The following GRAMD4 variants were observed in gnomAD, a reference collection of about 807,000 sequenced individuals.
The protein encoded by GRAMD4 is GRAM domain containing 4, also known as GRAM domain-containing protein 4.
In GRAMD4, 25 loss-of-function variants were observed where a neutral mutation model predicts 83.9. The ratio of observed to expected loss-of-function variants is 0.30; its 90% CI spans 0.22 to 0.42. GRAMD4 has a LOEUF of 0.42. GRAMD4 is among the 10% of genes least tolerant of loss of function. The pLI, the probability that GRAMD4 is intolerant of heterozygous loss-of-function variation, is 1.00. For missense variants in GRAMD4, 593 were observed against 788.7 expected, an observed-to-expected ratio of 0.75 and a Z score of 2.97; for synonymous variants, 336 against 320.9, an observed-to-expected ratio of 1.05 and a Z score of -0.50.
rs373810373 is a variant in GRAMD4, at chr22:46,678,378, C to T, written c.*1127C>T. 1.0e-3 allele frequency: 985 copies of T among 984,990 alleles called. 6 individuals carry two copies. In the African/African-American group the frequency reaches 0.015, roughly 15 times the overall value. 61.0% of individuals were successfully genotyped at this position (984,990 alleles called of 1,614,324 possible). A position where few individuals can be genotyped will look rare whatever the true frequency, so the allele number is the denominator to read the frequency against. Reference sequence around the variant, plus strand: ...CCTCCCCCGCGTGCCTAGCCGGTGCCGGTCCGGGCACAGACCCCCCCAGCC... The same window carrying T: ...CCTCCCCCGCGTGCCTAGCCGGTGCTGGTCCGGGCACAGACCCCCCCAGCC... On this transcript the variant is annotated 3_prime_UTR_variant, in exon 19 of 19. Coordinates refer to ENST00000406902, the MANE Select transcript of GRAMD4 (RefSeq NM_015124.5).
intron 10 of GRAMD4, among the ~76,000 whole-genome samples, chr22:46,667,517 T>C (rs1029374641): frequency 3.3e-5 from 5 of 152,252 alleles, no homozygotes; most frequent in African/African-American, 1.2e-4. Context: ...ATATTTACTG[T>C]CTGGCCCTTT....
In GRAMD4 at chr22:46,623,000, G is replaced by C. The variant is rs557776819; in HGVS notation, c.-50+2435G>C. ...ATTAAAAAATATTGTGGGAAAAGAA[G>C]TAATAGGGAGGCATTTTAGGAGATT... is the stretch of plus-strand genomic sequence containing the variant. On this transcript the variant is annotated intron_variant, in intron 1 of 18. Transcript: ENST00000406902. The surrounding 1 kb of genome is among the most constrained non-coding windows in gnomAD (Gnocchi z 4.0). Among the ~76,000 whole-genome samples the C allele has an allele frequency of 6.6e-6, 1 of 151,904 alleles. No homozygotes were observed. Among genetic ancestry groups the C allele is most frequent in the Non-Finnish European group, 1.5e-5 (1 of 67,986 alleles).
rs1316877985 is a variant in GRAMD4 at position 46,577,879 on chromosome 22, C to T, written c.-50+589C>T. On this transcript the variant is annotated intron_variant, in intron 1 of 1. Transcript: ENST00000431155. ...ACCTTGGCTGTAGCCCAGGCCCGTG[C>T]GCCTGCCAGAACGTGGGGTGCAGTG... 3.3e-5 allele frequency among the ~76,000 whole-genome samples: 5 copies of T among 152,222 alleles called. No individual in the cohort carries two copies. The East Asian group carries it at 7.7e-4, about 24-fold the overall frequency.
chr22:46,587,640 CGTCCTGTCCTGTCCT>C (rs527792297), intron 1 of GRAMD4, among the ~76,000 whole-genome samples: 1 of 151,856 alleles, frequency 6.6e-6, no homozygotes, highest in Non-Finnish European at 1.5e-5. Flanking sequence ...GGCAAGGCTC[CGTCCTGTCCTGTCCT>C]GTCCTGTCCT....
At chr22:46,635,915 G>A (rs1480832760) in intron 2 of GRAMD4, among the ~76,000 whole-genome samples, 2 of 152,138 alleles carry the variant, frequency 1.3e-5, no homozygotes, top group African/African-American at 4.8e-5. Context: ...GCCCAGGGCA[G>A]TGCAGGGGTC....
rs57359468 is a variant in GRAMD4, at chr22:46,662,787, C to T, written c.467-253C>T. 2.8e-3 allele frequency among the ~76,000 whole-genome samples: 419 copies of T among 152,294 alleles called. 1 individual carries two copies. The highest frequency in any genetic ancestry group is 9.8e-3 in the African/African-American group (408 of 41,564). ...GGATGAAAAGCAGAGAGACCCGGCA[C>T]TGAGGTCGTCATGGCTGGGGCAGCT... On this transcript the variant is annotated intron_variant, in intron 5 of 18. Coordinates refer to ENST00000406902, the MANE Select transcript of GRAMD4 (RefSeq NM_015124.5).
intron 1 of GRAMD4, among the ~76,000 whole-genome samples, chr22:46,610,012 T>G (rs1462585609): frequency 6.6e-6 from 1 of 152,158 alleles, no homozygotes; most frequent in Non-Finnish European, 1.5e-5. Flanking sequence ...CCTGGGATGG[T>G]GGGGAGAAGC....
chr22:46,623,425 C>A (rs972070631), intron 1 of GRAMD4, among the ~76,000 whole-genome samples: 2 of 151,300 alleles, frequency 1.3e-5, no homozygotes, highest in Non-Finnish European at 2.9e-5. Flanking sequence ...TCTCACGCTG[C>A]CCCCCAGGCT....
intron 3 of GRAMD4, among the ~76,000 whole-genome samples, chr22:46,641,392 TAAGG>T (rs61099873): frequency 0.91 from 136,057 of 150,254 alleles, 61,772 homozygotes; most frequent in East Asian, 0.99. Context: ...AATAAATAAA[TAAGG>T]AAGGAAGGAA....
chr22:46,615,681 TGC>T (rs2081475735), upstream of GRAMD4, among the ~76,000 whole-genome samples: 2 of 97,132 alleles, frequency 2.1e-5, no homozygotes, highest in African/African-American at 4.0e-5. Flanking sequence ...GGTTCCCCTG[TGC>T]GTAGGTTCCC....
chr22:46,650,706 T>C (rs1038210413), intron 3 of GRAMD4, among the ~76,000 whole-genome samples: 1 of 152,206 alleles, frequency 6.6e-6, no homozygotes, highest in African/African-American at 2.4e-5. Flanking sequence ...GCGATTTCTA[T>C]GTGCCATGTG....
intron 3 of GRAMD4, among the ~76,000 whole-genome samples, chr22:46,645,871 G>A (rs1034054983): frequency 8.5e-5 from 13 of 152,370 alleles, no homozygotes; most frequent in African/African-American, 3.1e-4. Context: ...GTGCATGCGT[G>A]TGCATCTGTT....
intron 10 of GRAMD4, 121 bp from the exon 11 acceptor site, chr22:46,667,975 C>T (rs2082435556): frequency 4.4e-6 from 3 of 688,300 alleles, no homozygotes; most frequent in Admixed American, 2.5e-5. Flanking sequence ...ATGTCCCATC[C>T]CCCCTGGCTG....
chr22:46,664,659 T>A (rs1400295616), intron 8 of GRAMD4, among the ~76,000 whole-genome samples: 1 of 152,200 alleles, frequency 6.6e-6, no homozygotes, highest in Non-Finnish European at 1.5e-5. Flanking sequence ...ACTTGCCACC[T>A]GTGTCTCAGT....
At chr22:46,588,362 A>G (rs1408864441) in intron 1 of GRAMD4, among the ~76,000 whole-genome samples, 1 of 152,146 alleles carries the variant, frequency 6.6e-6, no homozygotes, top group African/African-American at 2.4e-5. Flanking sequence ...TCCAGGCAGC[A>G]CCACGCAAGG....
At chr22:46,680,586 C>CCACCCACCCACCCACCCACCCATT, downstream of GRAMD4, among the ~76,000 whole-genome samples, 2 of 23,146 alleles carry the variant, frequency 8.6e-5, 1 homozygote, top group Non-Finnish European at 1.7e-4. Flanking sequence ...ATCCATCCAT[C>CCACCCACCCACCCACCCACCCATT]CATCCATCCA....
intron 2 of GRAMD4, among the ~76,000 whole-genome samples, chr22:46,633,558 G>T (rs1249496629): frequency 2.0e-5 from 3 of 152,208 alleles, no homozygotes; most frequent in East Asian, 3.9e-4. Context: ...AGCAACTGGG[G>T]GCTCTGGCCG....
chr22:46,587,723 A>G (rs973316562), intron 1 of GRAMD4, among the ~76,000 whole-genome samples: 1 of 152,060 alleles, frequency 6.6e-6, no homozygotes, highest in African/African-American at 2.4e-5. Flanking sequence ...GGAGGGACCC[A>G]GAGGCACTGG....
At chr22:46,682,169 G>A (rs1222216564), downstream of GRAMD4, among the ~76,000 whole-genome samples, 1 of 152,210 alleles carries the variant, frequency 6.6e-6, no homozygotes. Flanking sequence ...GGAGACACCT[G>A]GGATCACAGA....
Sources: gnomAD v4.1 joint callset for allele counts (sites outside exome capture counted in the v4.1 genomes callset) on GRCh38, gnomAD v4.1.1 for gene constraint, Gnocchi (gnomAD v3.1) non-coding constraint, MANE v1.5 for transcripts, NCBI Gene and HGNC (gene_info 2026-07-23, HGNC 2026-07-21) for gene names.